Variants in ACSL1 observed in about 807,000 individuals in gnomAD.
ACSL1 encodes long-chain-fatty-acid--CoA ligase 1.
In ACSL1, 41 loss-of-function variants were observed where a neutral mutation model predicts 98.4. The observed-to-expected ratio is 0.42, with a 90% CI of 0.32 to 0.54. The LOEUF (loss-of-function observed/expected upper bound fraction) is 0.54. Ranked by LOEUF, ACSL1 falls within the 20% of genes least tolerant of loss-of-function variation. The probability of loss-of-function intolerance (pLI) is 0.13; values close to 1 mark genes in which losing one functional copy is unlikely to be tolerated. For synonymous variants in ACSL1, 316 were observed against 322.7 expected (o/e 0.98, Z 0.22); for missense variants, 734 against 883.1 (o/e 0.83, Z 2.14).
chr4:184,772,987 T>C (rs766618981), intron 10 of ACSL1, 94 bp downstream of exon 10: 10 of 1,187,198 alleles, frequency 8.4e-6, no homozygotes, highest in Middle Eastern at 3.9e-4. Context: ...AAATGCCACA[T>C]GGACCTAACA....
intron 4 of ACSL1, among the ~76,000 whole-genome samples, chr4:184,782,977 G>T (rs756407548): frequency 6.6e-6 from 1 of 152,164 alleles, no homozygotes; most frequent in African/African-American, 2.4e-5. Flanking sequence ...AACCCAGAAG[G>T]AGGAAGTGCA....
chr4:184,790,831 G>A (rs571044097), intron 2 of ACSL1, among the ~76,000 whole-genome samples: 1 of 150,262 alleles, frequency 6.7e-6, no homozygotes, highest in South Asian at 2.1e-4. Context: ...CATCACCTCA[G>A]TCTTGACTCC....
At chr4:184,822,534 T>C (rs1185869651) in intron 1 of ACSL1, among the ~76,000 whole-genome samples, 3 of 151,798 alleles carry the variant, frequency 2.0e-5, no homozygotes, top group African/African-American at 7.3e-5. Flanking sequence ...AGCCCAGGAG[T>C]TCGAGACAAC....
Position 184,757,929 on chromosome 4 carries a change from C to T in ACSL1, c.1783-9G>A. 1.2e-6 allele frequency: 2 copies of T among 1,610,920 alleles called. No homozygotes were observed. Among genetic ancestry groups the T allele is most frequent in the Non-Finnish European group, 1.7e-6 (2 of 1,177,276 alleles). On this transcript the variant is annotated splice_polypyrimidine_tract_variant and intron_variant, in intron 18 of 20. Coordinates refer to ENST00000281455, the MANE Select transcript of ACSL1 (RefSeq NM_001995.5). This position sits in a 1 kb window ranked among gnomAD's most constrained non-coding sequence, Gnocchi z 4.5. ...ATTGCAATGAGAAATGCCTTTAACACAGACAAATGAGTTATTACATAGCTT... is the reference window on the plus strand; with the variant it reads ...ATTGCAATGAGAAATGCCTTTAACATAGACAAATGAGTTATTACATAGCTT...
At chr4:184,772,808 G>A (rs1764704818) in intron 10 of ACSL1, among the ~76,000 whole-genome samples, 1 of 151,972 alleles carries the variant, frequency 6.6e-6, no homozygotes, top group South Asian at 2.1e-4. Flanking sequence ...ATGTTTCTAG[G>A]GCAATATCCA....
At position 184,757,616 on chromosome 4, in the gene ACSL1, A is replaced by G; in HGVS notation, c.1956+19T>C. On this transcript the variant is annotated intron_variant, in intron 20 of 20. Transcript: ENST00000281455. The surrounding 1 kb of genome is among the most constrained non-coding windows in gnomAD (Gnocchi z 4.5). ...AAATTTGTTTTACAGGAATTCACCC[A>G]CTCAGATGAAGGTCATACCTGTTCA... 1 of 1,597,952 alleles carries G rather than the reference A, an allele frequency of 6.3e-7. No individual in the cohort carries two copies. Among genetic ancestry groups the G allele is most frequent in the Non-Finnish European group, 8.5e-7 (1 of 1,174,936 alleles).
At chr4:184,764,813 G>A (rs376631586) in intron 15 of ACSL1, 40 bp downstream of exon 15, 280 of 1,565,302 alleles carry the variant, frequency 1.8e-4, no homozygotes, top group Non-Finnish European at 2.3e-4. Context: ...AACCCAGTAT[G>A]AATAACAAAA....
intron 5 of ACSL1, among the ~76,000 whole-genome samples, chr4:184,777,478 AAG>A (rs910541469): frequency 3.5e-5 from 5 of 144,154 alleles, no homozygotes; most frequent in African/African-American, 1.3e-4. Context: ...TGCATGTACA[AAG>A]AGAGGGAGGG....
At chr4:184,768,246 C>A (rs774864493) in intron 12 of ACSL1, 70 bp downstream of exon 12, 2 of 1,515,360 alleles carry the variant, frequency 1.3e-6, no homozygotes, top group Admixed American at 4.5e-5. Context: ...CATGGCACAG[C>A]CCAATTCAAG....
At chr4:184,809,541 C>T (rs1343017245) in intron 1 of ACSL1, among the ~76,000 whole-genome samples, 2 of 152,096 alleles carry the variant, frequency 1.3e-5, no homozygotes, top group African/African-American at 2.4e-5. Context: ...ACCTGTAATC[C>T]CAGCACTTTG....
intron 1 of ACSL1, among the ~76,000 whole-genome samples, chr4:184,815,779 T>C (rs1257888856): frequency 6.6e-6 from 1 of 152,072 alleles, no homozygotes; most frequent in Non-Finnish European, 1.5e-5. Flanking sequence ...AATCCACTTC[T>C]GAGTTGAGTT....
intron 10 of ACSL1, among the ~76,000 whole-genome samples, chr4:184,772,825 G>A (rs1292068318): frequency 6.6e-6 from 1 of 152,140 alleles, no homozygotes; most frequent in African/African-American, 2.4e-5. Context: ...TCCAAATAGA[G>A]TTTCTCTATA....
At chr4:184,792,563 T>C (rs892976280) in intron 2 of ACSL1, among the ~76,000 whole-genome samples, 5 of 152,132 alleles carry the variant, frequency 3.3e-5, no homozygotes, top group Non-Finnish European at 5.9e-5. Flanking sequence ...CTTAGCCTCC[T>C]GAGTAGCTGA....
chr4:184,820,014 C>T (rs1218182847), intron 1 of ACSL1, among the ~76,000 whole-genome samples: 1 of 152,096 alleles, frequency 6.6e-6, no homozygotes, highest in Non-Finnish European at 1.5e-5. Context: ...AAGGGCAATA[C>T]CGACGTCCAG....
rs185167780 is a variant in ACSL1 at position 184,776,617 on chromosome 4, A to G, written c.623T>C (p.Leu208Pro). 3.3e-5 allele frequency: 53 copies of G among 1,613,728 alleles called. No individual in the cohort carries two copies. Among genetic ancestry groups the G allele is most frequent in the East Asian group, 6.7e-5 (3 of 44,888 alleles). Reference protein sequence around the residue: ...VFVDKPEKAKLLLEGVENKLI... With the variant: ...VFVDKPEKAKPLLEGVENKLI... ...CTTATTTTCTACACCCTCTAATAAGAGTTTGGCCTTCTCTGGCTTGTCAAC... is the reference window on the plus strand; with the variant it reads ...CTTATTTTCTACACCCTCTAATAAGGGTTTGGCCTTCTCTGGCTTGTCAAC... The change falls in exon 7 of 21, where the codon CTC becomes CCC. Residue 208 changes from leucine to proline, a missense_variant. Physicochemically the swap from Leu to Pro is moderately conservative, Grantham distance 98. Coordinates refer to ENST00000281455, the MANE Select transcript of ACSL1 (RefSeq NM_001995.5).
chr4:184,808,487 C>G, intron 1 of ACSL1: 1 of 985,428 alleles, frequency 1.0e-6, no homozygotes, highest in African/African-American at 1.7e-5. Context: ...ATTAAGAAAG[C>G]CTGACATCTT....
intron 1 of ACSL1, among the ~76,000 whole-genome samples, chr4:184,818,463 A>G (rs1561250756): frequency 6.6e-6 from 1 of 152,202 alleles, no homozygotes. Flanking sequence ...CAGACTTTCG[A>G]TGCCTTGATC....
chr4:184,780,171 G>A (rs554910432), intron 5 of ACSL1, among the ~76,000 whole-genome samples, 161 bp downstream of exon 5: 7 of 152,272 alleles, frequency 4.6e-5, no homozygotes, highest in South Asian at 2.1e-4. Context: ...TGTGCCCAGC[G>A]GCCCTGGTTG....
At chr4:184,815,065 G>A in intron 1 of ACSL1, 1 of 456,290 alleles carries the variant, frequency 2.2e-6, no homozygotes, top group Non-Finnish European at 4.4e-6. Context: ...AGAGTTAACA[G>A]AGCTACAGAA....
Sources: gnomAD v4.1 joint callset for allele counts (sites outside exome capture counted in the v4.1 genomes callset) on GRCh38, gnomAD v4.1.1 for gene constraint, Gnocchi (gnomAD v3.1) non-coding constraint, MANE v1.5 for transcripts, NCBI Gene and HGNC (gene_info 2026-07-23, HGNC 2026-07-21) for gene names.